MCC: variants seen among roughly 807,000 people sequenced by gnomAD.
MCC encodes MCC regulator of Wnt signaling pathway.
In MCC, 90 loss-of-function variants were observed where a neutral mutation model predicts 116.2. That is an observed-to-expected ratio of 0.77 (90% confidence interval 0.65 to 0.92). The LOEUF (loss-of-function observed/expected upper bound fraction) is 0.92, where lower values mean the gene tolerates loss of function less well. Among genes scored for constraint, MCC ranks in the 40% least tolerant of loss-of-function variants. The pLI is 0.00. For missense variants in MCC, 1,516 were observed against 1,312.2 expected (o/e 1.16, Z -2.40); for synonymous variants, 578 against 510.5 (o/e 1.13, Z -1.78).
At chr5:113,259,159 C>G (rs1259838893) in intron 3 of MCC, among the ~76,000 whole-genome samples, 1 of 152,184 alleles carries the variant, frequency 6.6e-6, no homozygotes, top group Non-Finnish European at 1.5e-5. Context: ...TAACTGAAGG[C>G]AAATCCCTTC....
At chr5:113,410,017 T>C (rs1769937929) in intron 1 of MCC, among the ~76,000 whole-genome samples, 1 of 152,224 alleles carries the variant, frequency 6.6e-6, no homozygotes, top group African/African-American at 2.4e-5. Flanking sequence ...TACAGAAATA[T>C]AGTTCTACAC....
At chr5:113,111,190 T>C (rs762279381) in intron 6 of MCC, among the ~76,000 whole-genome samples, 1 of 152,216 alleles carries the variant, frequency 6.6e-6, no homozygotes, top group Non-Finnish European at 1.5e-5. Context: ...TAACATTTTG[T>C]TCAACATCGT....
chr5:113,102,204 C>T lies in MCC; in HGVS notation c.1192-259G>A, dbSNP rs145678936. ...AGAAAAACAGTGAGTCCTCTCCTGGCAGCTGAGTCTGTCTGTGGTGCTAGC... is the reference window on the plus strand; with the variant it reads ...AGAAAAACAGTGAGTCCTCTCCTGGTAGCTGAGTCTGTCTGTGGTGCTAGC... On this transcript the variant is annotated intron_variant, in intron 7 of 18. Transcript: ENST00000408903. Among the ~76,000 whole-genome samples the T allele has an allele frequency of 9.8e-3, 1,490 of 152,328 alleles. 20 individuals carry two copies. The highest frequency in any genetic ancestry group is 0.029 in the East Asian group (153 of 5,190).
chr5:113,389,296 T>G (rs1208981379), intron 1 of MCC, among the ~76,000 whole-genome samples: 1 of 152,200 alleles, frequency 6.6e-6, no homozygotes, highest in African/African-American at 2.4e-5. Context: ...CAGCATGCCT[T>G]TGCCATTCCT....
chr5:113,464,197 A>C (rs959534827), intron 1 of MCC, among the ~76,000 whole-genome samples: 1 of 152,198 alleles, frequency 6.6e-6, no homozygotes, highest in Non-Finnish European at 1.5e-5. Context: ...AAGAAAATGG[A>C]GACAGTAAAT....
chr5:113,404,845 C>T (rs1350203981), intron 1 of MCC, among the ~76,000 whole-genome samples: 2 of 151,846 alleles, frequency 1.3e-5, no homozygotes, highest in Non-Finnish European at 2.9e-5. Context: ...CAGATCAGTG[C>T]GTGTCATACA....
intron 12 of MCC, among the ~76,000 whole-genome samples, chr5:113,068,869 G>C (rs145440160): frequency 6.6e-6 from 1 of 152,186 alleles, no homozygotes; most frequent in Non-Finnish European, 1.5e-5. Flanking sequence ...AATCTCACAA[G>C]AGACCCTGAA....
At chr5:113,369,999 T>A (rs1419151242) in intron 2 of MCC, among the ~76,000 whole-genome samples, 2 of 152,228 alleles carry the variant, frequency 1.3e-5, no homozygotes, top group Non-Finnish European at 2.9e-5. Context: ...TGGTATTTGG[T>A]TGTTAAAACA....
At position 113,403,599 on chromosome 5, in the gene MCC, T is replaced by C. The variant is rs79403174; in HGVS notation, c.171-18387A>G. Among the ~76,000 whole-genome samples the C allele has an allele frequency of 3.4e-3, 512 of 152,254 alleles. 4 individuals carry two copies. Among genetic ancestry groups the C allele is most frequent in the African/African-American group, 0.012 (497 of 41,550 alleles). On this transcript the variant is annotated intron_variant, in intron 1 of 18. Coordinates refer to ENST00000408903, the MANE Select transcript of MCC (RefSeq NM_001085377.2). ...TTGGCCTGGATCTGTAGTGTTACAA[T>C]AGTGGCTGAGAGAGAGGTGGTAAAG...
At chr5:113,342,755 G>A (rs1311309772) in intron 2 of MCC, among the ~76,000 whole-genome samples, 1 of 152,232 alleles carries the variant, frequency 6.6e-6, no homozygotes, top group East Asian at 1.9e-4. Flanking sequence ...TAGGCTGCAT[G>A]CCTCTAGCTG....
intron 3 of MCC, among the ~76,000 whole-genome samples, chr5:113,241,845 A>G (rs1247447908): frequency 6.6e-6 from 1 of 152,232 alleles, no homozygotes; most frequent in Non-Finnish European, 1.5e-5. Context: ...GAAAAACTGC[A>G]AAGACATTCA....
intron 3 of MCC, among the ~76,000 whole-genome samples, chr5:113,297,104 A>G (rs1014266174): frequency 3.3e-5 from 5 of 152,206 alleles, no homozygotes; most frequent in African/African-American, 1.2e-4. Context: ...ATAAGATTCA[A>G]CTCCACCACA....
chr5:113,476,773 T>C (rs952338917), intron 1 of MCC, among the ~76,000 whole-genome samples: 1 of 152,122 alleles, frequency 6.6e-6, no homozygotes, highest in Non-Finnish European at 1.5e-5. Context: ...TGACTGCTAA[T>C]GGGTACAGGG....
At chr5:113,408,138 A>G (rs1246213324) in intron 1 of MCC, among the ~76,000 whole-genome samples, 1 of 152,204 alleles carries the variant, frequency 6.6e-6, no homozygotes, top group Non-Finnish European at 1.5e-5. Flanking sequence ...ACCTGGACAG[A>G]TAAGGTTCCT....
intron 3 of MCC, among the ~76,000 whole-genome samples, chr5:113,236,028 G>T (rs1268912254): frequency 6.6e-6 from 1 of 152,156 alleles, no homozygotes; most frequent in Non-Finnish European, 1.5e-5. Flanking sequence ...AGGTAGGTCG[G>T]ATTTCCTCAT....
At chr5:113,231,783 T>A (rs1763949180) in intron 3 of MCC, among the ~76,000 whole-genome samples, 1 of 152,128 alleles carries the variant, frequency 6.6e-6, no homozygotes, top group African/African-American at 2.4e-5. Flanking sequence ...AATATCATGG[T>A]TTTGCTGATA....
chr5:113,066,893 G>C (rs1056622934), intron 13 of MCC, among the ~76,000 whole-genome samples: 2 of 152,154 alleles, frequency 1.3e-5, no homozygotes, highest in Non-Finnish European at 2.9e-5. Flanking sequence ...GGAGAGACCT[G>C]GTCACCTTGG....
At chr5:113,295,499 CAGAT>C (rs1016112714) in intron 3 of MCC, among the ~76,000 whole-genome samples, 3 of 151,956 alleles carry the variant, frequency 2.0e-5, no homozygotes, top group African/African-American at 4.8e-5. Flanking sequence ...TGAAAGATGT[CAGAT>C]AGGCTCCTCA....
chr5:113,313,574 T>C (rs765564951), intron 3 of MCC, among the ~76,000 whole-genome samples: 10 of 152,196 alleles, frequency 6.6e-5, no homozygotes, highest in Non-Finnish European at 1.2e-4. Context: ...GAGCACTTTC[T>C]ACTCTGGAAG....
Sources: allele counts gnomAD v4.1 joint callset (sites outside exome capture counted in the v4.1 genomes callset), GRCh38; gene constraint gnomAD v4.1.1; transcripts MANE v1.5; gene names NCBI Gene and HGNC (gene_info 2026-07-23, HGNC 2026-07-21).